The following GMDS variants were observed in gnomAD, a reference collection of about 807,000 sequenced individuals.
GMDS encodes GDP-mannose 4,6 dehydratase.
In GMDS, 20 loss-of-function variants were observed where a neutral mutation model predicts 49.9. The ratio of observed to expected loss-of-function variants is 0.40; its 90% CI spans 0.28 to 0.58. The LOEUF is 0.58. GMDS is among the 20% of genes least tolerant of loss of function. GMDS has a pLI of 0.42. For synonymous variants in GMDS, 177 were observed against 178.6 expected (o/e 0.99, Z 0.07); for missense variants, 362 against 481.4 (o/e 0.75, Z 2.32).
intron 9 of GMDS, among the ~76,000 whole-genome samples, chr6:1,647,056 T>A (rs982469131): frequency 3.3e-5 from 5 of 152,120 alleles, no homozygotes; most frequent in African/African-American, 1.2e-4. Flanking sequence ...GCTGGACTGC[T>A]TTGCATAAAG....
chr6:1,789,525 CTTTTTTCTTT>C (rs777689990), intron 7 of GMDS, among the ~76,000 whole-genome samples: 7 of 112,764 alleles, frequency 6.2e-5, no homozygotes, highest in African/African-American at 3.1e-4. Context: ...TTTTCTTTTT[CTTTTTTCTTT>C]TTTTTTTTTT....
At chr6:1,717,600 A>C (rs913343249) in intron 9 of GMDS, 8 of 152,244 alleles carry the variant, frequency 5.3e-5, no homozygotes, top group African/African-American at 1.9e-4. Flanking sequence ...AGAAGCACAC[A>C]GCTGGCAGTA....
At chr6:2,137,228 T>C (rs950960757) in intron 1 of GMDS, among the ~76,000 whole-genome samples, 1 of 152,210 alleles carries the variant, frequency 6.6e-6, no homozygotes, top group Non-Finnish European at 1.5e-5. Flanking sequence ...AATATCTGCC[T>C]AGCTAGTTGA....
At chr6:2,127,650 G>A (rs998542697) in intron 1 of GMDS, among the ~76,000 whole-genome samples, 12 of 152,180 alleles carry the variant, frequency 7.9e-5, no homozygotes, top group African/African-American at 2.4e-4. Context: ...GGCCTGGGCC[G>A]CACAATGAGT....
chr6:2,211,833 A>G (rs759071086), intron 1 of GMDS, among the ~76,000 whole-genome samples: 14 of 152,244 alleles, frequency 9.2e-5, no homozygotes, highest in Non-Finnish European at 1.9e-4. Context: ...TACCAAGTTT[A>G]CGACTTCCAG....
intron 7 of GMDS, among the ~76,000 whole-genome samples, chr6:1,806,270 G>A (rs1008420939): frequency 2.6e-5 from 4 of 152,114 alleles, no homozygotes; most frequent in Non-Finnish European, 5.9e-5. Context: ...ATAGGCTAAC[G>A]TACTGAATAC....
chr6:1,780,137 C>G (rs1431087752), intron 7 of GMDS, among the ~76,000 whole-genome samples: 3 of 152,198 alleles, frequency 2.0e-5, no homozygotes, highest in Non-Finnish European at 2.9e-5. Context: ...TGCAGCCTGT[C>G]CCTGGCTTAT....
At chr6:1,711,257 C>T (rs1295796959) in intron 9 of GMDS, among the ~76,000 whole-genome samples, 1 of 152,240 alleles carries the variant, frequency 6.6e-6, no homozygotes, top group African/African-American at 2.4e-5. Context: ...AGCCTCAGAG[C>T]CGGCTGCCTC....
At chr6:1,758,132 T>A (rs1768020097) in intron 7 of GMDS, among the ~76,000 whole-genome samples, 1 of 152,208 alleles carries the variant, frequency 6.6e-6, no homozygotes, top group South Asian at 2.1e-4. Flanking sequence ...AACCTTGCTA[T>A]GTGACACCCT....
At chr6:1,683,184 T>G (rs963979590) in intron 9 of GMDS, among the ~76,000 whole-genome samples, 1 of 152,090 alleles carries the variant, frequency 6.6e-6, no homozygotes, top group African/African-American at 2.4e-5. Flanking sequence ...AGTGCAGTGG[T>G]GCAATCTCGG....
At chr6:1,761,410 T>A (rs763214465) in intron 7 of GMDS, among the ~76,000 whole-genome samples, 16 of 152,234 alleles carry the variant, frequency 1.1e-4, no homozygotes, top group Non-Finnish European at 1.6e-4. Context: ...AATGAACATT[T>A]ATTTTTTGGT....
At chr6:2,119,290 C>T (rs1775012080) in intron 2 of GMDS, among the ~76,000 whole-genome samples, 1 of 152,094 alleles carries the variant, frequency 6.6e-6, no homozygotes, top group Non-Finnish European at 1.5e-5. Context: ...GATTTTGATG[C>T]ATTCCATCTA....
At chr6:1,805,073 A>T (rs772973764) in intron 7 of GMDS, among the ~76,000 whole-genome samples, 1 of 152,118 alleles carries the variant, frequency 6.6e-6, no homozygotes, top group Non-Finnish European at 1.5e-5. Flanking sequence ...GCTTTATTTC[A>T]TTTTTGGAGC....
intron 7 of GMDS, among the ~76,000 whole-genome samples, chr6:1,870,115 A>G (rs912132078): frequency 1.3e-5 from 2 of 152,246 alleles, no homozygotes; most frequent in Non-Finnish European, 2.9e-5. Flanking sequence ...GGCGTCTGCC[A>G]GCACGGTGTC....
intron 2 of GMDS, among the ~76,000 whole-genome samples, chr6:2,121,356 A>G (rs1274949654): frequency 2.6e-5 from 4 of 152,206 alleles, no homozygotes; most frequent in African/African-American, 9.6e-5. Context: ...CCTGTAGGTA[A>G]TAAAGAATGA....
chr6:1,873,725 C>A (rs1026409888), intron 7 of GMDS, among the ~76,000 whole-genome samples: 2 of 152,168 alleles, frequency 1.3e-5, no homozygotes, highest in Non-Finnish European at 2.9e-5. Flanking sequence ...TCTGTGATTT[C>A]AAGTACTTCA....
intron 4 of GMDS, among the ~76,000 whole-genome samples, chr6:1,971,750 C>T (rs1214030612): frequency 2.0e-5 from 3 of 152,202 alleles, no homozygotes; most frequent in Non-Finnish European, 2.9e-5. Flanking sequence ...GCTTAGCACA[C>T]AGGAGGGCTG....
chr6:1,792,390 C>G (rs1269338091), intron 7 of GMDS, among the ~76,000 whole-genome samples: 3 of 152,138 alleles, frequency 2.0e-5, no homozygotes, highest in South Asian at 2.1e-4. Flanking sequence ...CTCCTGGAAA[C>G]ATCTCTCTTG....
intron 4 of GMDS, among the ~76,000 whole-genome samples, chr6:2,102,570 C>T (rs926713378): frequency 2.0e-5 from 3 of 152,076 alleles, no homozygotes; most frequent in Non-Finnish European, 2.9e-5. Context: ...ATAATCTGCA[C>T]GATGTTATTG....
Sources: gnomAD v4.1 joint callset for allele counts (sites outside exome capture counted in the v4.1 genomes callset) on GRCh38, gnomAD v4.1.1 for gene constraint, MANE v1.5 for transcripts, NCBI Gene and HGNC (gene_info 2026-07-23, HGNC 2026-07-21) for gene names.